ELMO1: variants seen among roughly 807,000 people sequenced by gnomAD.
ELMO1 encodes the protein engulfment and cell motility protein 1.
Under a neutral mutation model 98.9 loss-of-function variants are expected in ELMO1, and 26 were observed. The ratio of observed to expected loss-of-function variants is 0.26; its 90% CI spans 0.19 to 0.36. ELMO1 has a LOEUF of 0.36. Among genes scored for constraint, ELMO1 ranks in the 10% least tolerant of loss-of-function variants. The probability of loss-of-function intolerance (pLI) is 1.00; values close to 1 mark genes in which losing one functional copy is unlikely to be tolerated. For synonymous variants in ELMO1, 346 were observed against 346.0 expected, an observed-to-expected ratio of 1.00 and a Z score of 0.00; for missense variants, 627 against 935.2, an observed-to-expected ratio of 0.67 and a Z score of 4.30.
At position 37,260,266 on chromosome 7, in the gene ELMO1, G is replaced by T. The variant is rs142600496; in HGVS notation, c.244-916C>A. On this transcript the variant is annotated intron_variant, in intron 5 of 21. Transcript: ENST00000310758. ...TGCTATCATCATATTCTCCTTCTCG[G>T]GTACTTGCTTTCTCTTTTGAAACCG... 1.9e-4 allele frequency among the ~76,000 whole-genome samples: 29 copies of T among 152,250 alleles called. No individual in the cohort carries two copies. In the East Asian group the frequency reaches 5.4e-3, roughly 28 times the overall value.
At position 37,213,380 on chromosome 7, in the gene ELMO1, G is replaced by A. The variant is rs927055378; in HGVS notation, c.909C>T (p.Asn303=). 1.9e-6 allele frequency: 3 copies of A among 1,612,776 alleles called. No individual in the cohort carries two copies. The highest frequency in any genetic ancestry group is 3.3e-5 in the Admixed American group (2 of 59,992). ...TGGTCATCATCCTGTCTTCCAGGAG[G>A]TTAAAGGTGAGCACTTGTAGAACAT... ...QLYVLQVLTF[N]LLEDRMMTKM... The change falls in exon 12 of 22, where the codon AAC becomes AAT. Residue 303 remains asparagine, a synonymous_variant. Coordinates refer to ENST00000310758, the MANE Select transcript of ELMO1 (RefSeq NM_014800.11).
At chr7:37,393,051 C>T (rs1325886228) in intron 1 of ELMO1, among the ~76,000 whole-genome samples, 1 of 152,222 alleles carries the variant, frequency 6.6e-6, no homozygotes, top group African/African-American at 2.4e-5. Flanking sequence ...CTTCTGCACA[C>T]ATTTCCATCA....
chr7:37,337,689 T>G (rs1322602645), intron 2 of ELMO1, among the ~76,000 whole-genome samples: 4 of 152,162 alleles, frequency 2.6e-5, no homozygotes, highest in African/African-American at 9.7e-5. Context: ...TGTGATGCCA[T>G]GCAAATATGT....
At chr7:37,390,181 C>T (rs948947087) in intron 1 of ELMO1, among the ~76,000 whole-genome samples, 1 of 152,242 alleles carries the variant, frequency 6.6e-6, no homozygotes, top group Non-Finnish European at 1.5e-5. Flanking sequence ...GACCTGGTGC[C>T]TCCACCCTAA....
At chr7:37,445,154 T>C (rs1470317261) in intron 1 of ELMO1, among the ~76,000 whole-genome samples, 1 of 152,176 alleles carries the variant, frequency 6.6e-6, no homozygotes, top group Non-Finnish European at 1.5e-5. Context: ...CCTACTAAAG[T>C]GATATCATGA....
rs537388417 is a variant in ELMO1, at chr7:37,092,366, C to CTTTTTTTT, written c.1300+4245_1300+4252dup. Among the ~76,000 whole-genome samples, 49 of 68,916 alleles carry CTTTTTTTT rather than the reference C, an allele frequency of 7.1e-4. 5 individuals are homozygous for CTTTTTTTT. Among genetic ancestry groups the CTTTTTTTT allele is most frequent in the African/African-American group, 2.1e-3 (47 of 21,970 alleles). 45.2% of individuals were successfully genotyped at this position (68,916 alleles called of 152,430 possible). ...ACTTGCAAAAAAAATTACCCATATT[C>CTTTTTTTT]TTTTTTTTTTTTTTTTTTTTTTTTT... is the stretch of plus-strand genomic sequence containing the variant. On this transcript the variant is annotated intron_variant, in intron 15 of 21. Transcript: ENST00000310758.
chr7:36,863,354 T>A (rs1802783278), intron 20 of ELMO1, among the ~76,000 whole-genome samples: 1 of 152,144 alleles, frequency 6.6e-6, no homozygotes, highest in South Asian at 2.1e-4. Context: ...TAGCATCTGT[T>A]CCCATAACCA....
chr7:37,297,341 T>C (rs1798085224), intron 4 of ELMO1, among the ~76,000 whole-genome samples: 1 of 152,112 alleles, frequency 6.6e-6, no homozygotes, highest in Admixed American at 6.5e-5. Flanking sequence ...ATATAAAAGA[T>C]CTTATTTCAG....
At chr7:37,306,011 G>A (rs1202481713) in intron 4 of ELMO1, among the ~76,000 whole-genome samples, 3 of 152,180 alleles carry the variant, frequency 2.0e-5, no homozygotes, top group Admixed American at 6.5e-5. Flanking sequence ...CTCCAAAAGT[G>A]GGGCTACAGT....
intron 15 of ELMO1, among the ~76,000 whole-genome samples, chr7:37,028,901 T>G (rs2129184313): frequency 6.6e-6 from 1 of 152,370 alleles, no homozygotes; most frequent in South Asian, 2.1e-4. Context: ...AATTTATTTC[T>G]TGCCATGCAT....
chr7:37,376,977 C>A (rs938923931), intron 1 of ELMO1, among the ~76,000 whole-genome samples: 1 of 152,118 alleles, frequency 6.6e-6, no homozygotes, highest in South Asian at 2.1e-4. Flanking sequence ...GAGTTATATC[C>A]TGTTAAGTTG....
chr7:37,392,045 T>C lies in ELMO1; in HGVS notation c.-73-49282A>G, dbSNP rs1404332769. On this transcript the variant is annotated intron_variant, in intron 1 of 21. Transcript: ENST00000310758. ...AGCAGGGAGACACACTGTTCTCAAA[T>C]GAGAAATATAGATATTCTGGCTAAA... 3.9e-5 allele frequency among the ~76,000 whole-genome samples: 6 copies of C among 152,198 alleles called. No homozygotes were observed. The East Asian group carries it at 1.2e-3, about 29-fold the overall frequency.
intron 15 of ELMO1, among the ~76,000 whole-genome samples, chr7:37,024,051 T>C (rs1004249035): frequency 1.3e-5 from 2 of 152,164 alleles, no homozygotes; most frequent in Non-Finnish European, 2.9e-5. Flanking sequence ...CCTTCATCCA[T>C]TTATGGGTGC....
chr7:37,192,797 C>CA (rs35594398), intron 13 of ELMO1, among the ~76,000 whole-genome samples: 58,503 of 111,388 alleles, frequency 0.53, 14,981 homozygotes, highest in East Asian at 0.82. Context: ...GACTCTGTCT[C>CA]AAAAAAAAAA....
At chr7:37,240,975 A>C (rs1794736422) in intron 7 of ELMO1, among the ~76,000 whole-genome samples, 1 of 152,114 alleles carries the variant, frequency 6.6e-6, no homozygotes, top group Non-Finnish European at 1.5e-5. Flanking sequence ...TTAAGGCAAG[A>C]CCTTTGATAG....
intron 15 of ELMO1, among the ~76,000 whole-genome samples, chr7:37,031,339 A>G (rs1240965049): frequency 6.6e-6 from 1 of 152,240 alleles, no homozygotes; most frequent in Non-Finnish European, 1.5e-5. Context: ...TGTTTCCAGA[A>G]TGCATTTGCC....
rs1250100400 is a variant in ELMO1, at chr7:36,853,460, T to G, written c.*2091A>C. Among the ~76,000 whole-genome samples the G allele has an allele frequency of 6.6e-6, 1 of 152,196 alleles. No homozygotes were observed. The highest frequency in any genetic ancestry group is 2.4e-5 in the African/African-American group (1 of 41,456). On this transcript the variant is annotated 3_prime_UTR_variant, in exon 22 of 22. Coordinates refer to ENST00000310758, the MANE Select transcript of ELMO1 (RefSeq NM_014800.11). ...AAATAATATGACTTTGTTTGCTGCC[T>G]TTGACCTAACACTTACTGTTTTATC...
At chr7:37,375,845 G>T in intron 1 of ELMO1, 1 of 740,354 alleles carries the variant, frequency 1.4e-6, no homozygotes. Flanking sequence ...CGGCCTAAAG[G>T]TCTGGAGACT....
chr7:36,891,274 A>G (rs1805524954), intron 17 of ELMO1, among the ~76,000 whole-genome samples: 1 of 152,196 alleles, frequency 6.6e-6, no homozygotes, highest in African/African-American at 2.4e-5. Flanking sequence ...CAACACATAG[A>G]ATAGTGTCTG....
Sources: gnomAD v4.1 joint callset for allele counts (sites outside exome capture counted in the v4.1 genomes callset) on GRCh38, gnomAD v4.1.1 for gene constraint, MANE v1.5 for transcripts, NCBI Gene and HGNC (gene_info 2026-07-23, HGNC 2026-07-21) for gene names.